Variants in SLC11A2 observed in about 807,000 individuals in gnomAD.
The protein encoded by SLC11A2 is natural resistance-associated macrophage protein 2.
SLC11A2 carries 38 observed loss-of-function variants against 68.0 expected under a neutral mutation model. The ratio of observed to expected loss-of-function variants is 0.56; its 90% CI spans 0.43 to 0.73. The LOEUF (loss-of-function observed/expected upper bound fraction) is 0.73. SLC11A2 is among the 30% of genes least tolerant of loss of function. The pLI, the probability that SLC11A2 is intolerant of heterozygous loss-of-function variation, is 0.00. For synonymous variants in SLC11A2, 242 were observed against 250.6 expected, an observed-to-expected ratio of 0.97 and a Z score of 0.32; for missense variants, 517 against 690.5, an observed-to-expected ratio of 0.75 and a Z score of 2.82.
intron 6 of SLC11A2, among the ~76,000 whole-genome samples, 183 bp downstream of exon 6, chr12:51,000,130 G>A (rs774956358): frequency 1.3e-5 from 2 of 152,172 alleles, no homozygotes; most frequent in Admixed American, 6.5e-5. Flanking sequence ...AACCCACCAT[G>A]GGAAACGGAA....
chr12:51,011,828 G>C (rs1211721676), intron 1 of SLC11A2, among the ~76,000 whole-genome samples: 1 of 152,078 alleles, frequency 6.6e-6, no homozygotes, highest in African/African-American at 2.4e-5. Flanking sequence ...CCAAAGTGCT[G>C]GGATTACAGG....
At chr12:51,012,450 C>T (rs1412369788) in intron 1 of SLC11A2, among the ~76,000 whole-genome samples, 3 of 152,142 alleles carry the variant, frequency 2.0e-5, no homozygotes, top group African/African-American at 7.2e-5. Context: ...CTCTTTGAAT[C>T]CCAATAATAA....
At chr12:51,014,047 C>G (rs1357403403) in intron 1 of SLC11A2, 1 of 152,160 alleles carries the variant, frequency 6.6e-6, no homozygotes, top group Non-Finnish European at 1.5e-5. Context: ...GTCTGAAACT[C>G]CTGACCTCAG....
At chr12:51,010,597 G>A in intron 2 of SLC11A2, 98 bp downstream of exon 2, 1 of 725,510 alleles carries the variant, frequency 1.4e-6, no homozygotes. Flanking sequence ...AATAGATGAT[G>A]ACAGATGATG....
chr12:50,983,937 C>T (rs973264224), downstream of SLC11A2, among the ~76,000 whole-genome samples: 21 of 151,830 alleles, frequency 1.4e-4, no homozygotes, highest in African/African-American at 5.1e-4. Context: ...CACTGCACTC[C>T]AGCCTGGGCA....
At chr12:51,000,122 C>T (rs1942076561) in intron 6 of SLC11A2, among the ~76,000 whole-genome samples, 191 bp downstream of exon 6, 1 of 152,092 alleles carries the variant, frequency 6.6e-6, no homozygotes, top group African/African-American at 2.4e-5. Flanking sequence ...GTAAGCATAA[C>T]CCACCATGGG....
intron 11 of SLC11A2, among the ~76,000 whole-genome samples, chr12:50,993,460 G>C (rs994970412): frequency 6.6e-6 from 1 of 151,858 alleles, no homozygotes; most frequent in African/African-American, 2.4e-5. Flanking sequence ...TGGGAGGCCA[G>C]GGTTGGAGAA....
chr12:50,995,744 G>A lies in SLC11A2; in HGVS notation c.875C>T (p.Ala292Val). ...NRNNKQEVRE[A>V]NKYFFIESCI... ...GGATTCAATGAAAAAGTACTTATTG[G>A]CTTCTCGAACTTCCTGCTTATTGTT... Residue 292 changes from alanine (A) to valine (V), a missense_variant, in exon 10 of 16, where the codon GCC becomes GTC. Coordinates refer to ENST00000262052, the MANE Select transcript of SLC11A2 (RefSeq NM_000617.3). The A allele has an allele frequency of 6.2e-7, 1 of 1,613,996 alleles. No individual in the cohort carries two copies. The highest frequency in any genetic ancestry group is 8.5e-7 in the Non-Finnish European group (1 of 1,179,854).
chr12:50,983,489 C>T (rs1055806845), downstream of SLC11A2, among the ~76,000 whole-genome samples: 1 of 152,162 alleles, frequency 6.6e-6, no homozygotes, highest in Non-Finnish European at 1.5e-5. Context: ...GTCACATATA[C>T]TTTTGGAGCC....
At chr12:51,005,872 C>T in intron 3 of SLC11A2, 1 of 367,466 alleles carries the variant, frequency 2.7e-6, no homozygotes, top group South Asian at 2.2e-5. Context: ...AACGGATCCT[C>T]TTCTTGACCA....
chr12:50,980,219 C>T (rs1939944093), downstream of SLC11A2: 1 of 249,162 alleles, frequency 4.0e-6, no homozygotes, highest in African/African-American at 2.2e-5. Flanking sequence ...GAGCAAGACC[C>T]TGTCTTAACA....
the SLC11A2 span, among the ~76,000 whole-genome samples, chr12:50,964,515 T>C: frequency 6.6e-6 from 1 of 152,178 alleles, no homozygotes; most frequent in Non-Finnish European, 1.5e-5. Flanking sequence ...ATTAATATAA[T>C]GAACTAAAGG....
the SLC11A2 span, among the ~76,000 whole-genome samples, chr12:50,971,327 G>A: frequency 6.6e-6 from 1 of 152,294 alleles, no homozygotes; most frequent in South Asian, 2.1e-4. Context: ...GTTATATAAA[G>A]TTGGTTCACC....
intron 1 of SLC11A2, among the ~76,000 whole-genome samples, chr12:51,013,689 T>C (rs1354464503): frequency 6.6e-6 from 1 of 151,674 alleles, no homozygotes; most frequent in Non-Finnish European, 1.5e-5. Context: ...CGGTGAGCCA[T>C]GATCGCACCA....
the SLC11A2 span, among the ~76,000 whole-genome samples, chr12:50,973,635 T>C: frequency 6.6e-6 from 1 of 152,140 alleles, no homozygotes; most frequent in Non-Finnish European, 1.5e-5. Flanking sequence ...CAAAGCTGGA[T>C]GGAGAATGAC....
intron 5 of SLC11A2, among the ~76,000 whole-genome samples, chr12:51,001,787 T>C (rs1011654453): frequency 1.3e-5 from 2 of 151,884 alleles, no homozygotes; most frequent in African/African-American, 4.8e-5. Flanking sequence ...TGAGCTATGA[T>C]CATGCCACTG....
downstream of SLC11A2, among the ~76,000 whole-genome samples, chr12:50,976,723 A>G (rs1014335546): frequency 2.0e-5 from 3 of 152,200 alleles, no homozygotes; most frequent in Admixed American, 6.5e-5. Flanking sequence ...GTTTGCAGAT[A>G]ACATGATTGT....
At chr12:50,980,202 G>A, downstream of SLC11A2, 1 of 314,532 alleles carries the variant, frequency 3.2e-6, no homozygotes, top group South Asian at 2.9e-5. Context: ...CTCCAGCCTG[G>A]GCAACAGAGC....
At chr12:51,017,897 G>A (rs1179999567) in intron 1 of SLC11A2, among the ~76,000 whole-genome samples, 1 of 152,106 alleles carries the variant, frequency 6.6e-6, no homozygotes, top group Non-Finnish European at 1.5e-5. Flanking sequence ...GCTTACCACT[G>A]TCATTTTCTT....
Sources: gnomAD v4.1 joint callset for allele counts (sites outside exome capture counted in the v4.1 genomes callset) on GRCh38, gnomAD v4.1.1 for gene constraint, MANE v1.5 for transcripts, NCBI Gene and HGNC (gene_info 2026-07-23, HGNC 2026-07-21) for gene names.